Variants in ABI3BP observed in about 807,000 individuals in gnomAD.
ABI3BP encodes the protein target of Nesh-SH3.
A neutral mutation model predicts 268.6 loss-of-function variants in ABI3BP; 216 were observed. The observed-to-expected ratio is 0.80, with a 90% CI of 0.72 to 0.90. The LOEUF is 0.90. Among genes scored for constraint, ABI3BP ranks in the 40% least tolerant of loss-of-function variants. ABI3BP has a pLI of 0.00. For missense variants in ABI3BP, 2,090 were observed against 2,182.4 expected, an observed-to-expected ratio of 0.96 and a Z score of 0.84; for synonymous variants, 730 against 730.0, an observed-to-expected ratio of 1.00 and a Z score of 0.00.
intron 63 of ABI3BP, among the ~76,000 whole-genome samples, chr3:100,756,752 C>A (rs990643143): frequency 6.7e-6 from 1 of 149,538 alleles, no homozygotes; most frequent in Non-Finnish European, 1.5e-5. Context: ...TTTCAGCATG[C>A]CACATATACA....
intron 1 of ABI3BP, among the ~76,000 whole-genome samples, chr3:100,972,534 C>T (rs1461350263): frequency 6.6e-6 from 1 of 152,162 alleles, no homozygotes; most frequent in Non-Finnish European, 1.5e-5. Flanking sequence ...TAAGTTAATG[C>T]ACATTTTTAA....
chr3:100,972,062 A>T (rs2083860889), intron 1 of ABI3BP, among the ~76,000 whole-genome samples: 2 of 152,142 alleles, frequency 1.3e-5, no homozygotes, highest in African/African-American at 2.4e-5. Context: ...TCTCACGAAC[A>T]CATATCTGCC....
chr3:100,894,926 G>A (rs867075133), intron 4 of ABI3BP, among the ~76,000 whole-genome samples: 1 of 60,292 alleles, frequency 1.7e-5, no homozygotes, highest in East Asian at 5.2e-4. Context: ...GCGACAGAGC[G>A]GGATTCCGCT....
chr3:100,860,479 A>G (rs949219803), intron 14 of ABI3BP, among the ~76,000 whole-genome samples: 1 of 152,198 alleles, frequency 6.6e-6, no homozygotes, highest in South Asian at 2.1e-4. Flanking sequence ...ATACTCCTTC[A>G]GGGCAAAACC....
intron 1 of ABI3BP, among the ~76,000 whole-genome samples, chr3:100,968,066 G>A (rs1041258050): frequency 1.3e-5 from 2 of 152,132 alleles, no homozygotes; most frequent in African/African-American, 4.8e-5. Context: ...AGGCAAGACT[G>A]CCATGGACGA....
At chr3:100,973,350 C>T (rs143032992) in intron 1 of ABI3BP, among the ~76,000 whole-genome samples, 170 of 152,246 alleles carry the variant, frequency 1.1e-3, no homozygotes, top group African/African-American at 3.8e-3. Context: ...CATATTTCCC[C>T]ATAGAAACAA....
chr3:100,917,239 A>G (rs967818294), intron 2 of ABI3BP, among the ~76,000 whole-genome samples: 7 of 152,166 alleles, frequency 4.6e-5, no homozygotes, highest in African/African-American at 1.7e-4. Flanking sequence ...GAGACATGAC[A>G]CAGAAGAAAC....
At chr3:100,951,373 A>T (rs892924164) in intron 1 of ABI3BP, among the ~76,000 whole-genome samples, 2 of 151,902 alleles carry the variant, frequency 1.3e-5, no homozygotes, top group Non-Finnish European at 2.9e-5. Context: ...TCTGGCCCTC[A>T]TAACATGGCA....
At chr3:100,910,812 C>G (rs2056095604) in intron 2 of ABI3BP, among the ~76,000 whole-genome samples, 1 of 152,152 alleles carries the variant, frequency 6.6e-6, no homozygotes, top group Non-Finnish European at 1.5e-5. Context: ...TAAGACTTAT[C>G]TGTGGATTAC....
At chr3:100,922,322 A>G (rs1212342902) in intron 2 of ABI3BP, among the ~76,000 whole-genome samples, 1 of 152,200 alleles carries the variant, frequency 6.6e-6, no homozygotes, top group Non-Finnish European at 1.5e-5. Context: ...AAGCTTGCTT[A>G]CATCCTAATC....
At chr3:100,887,682 T>C (rs544188083) in intron 4 of ABI3BP, among the ~76,000 whole-genome samples, 16 of 152,166 alleles carry the variant, frequency 1.1e-4, no homozygotes, top group African/African-American at 3.1e-4. Flanking sequence ...TTTCCTCCAC[T>C]CCTTACATCA....
chr3:100,888,817 T>C (rs2043143117), intron 4 of ABI3BP, among the ~76,000 whole-genome samples: 1 of 152,028 alleles, frequency 6.6e-6, no homozygotes, highest in African/African-American at 2.4e-5. Flanking sequence ...TTTATAGCAC[T>C]ATCATTTTTT....
At chr3:100,768,290 G>A (rs988925975) in intron 62 of ABI3BP, among the ~76,000 whole-genome samples, 8 of 151,894 alleles carry the variant, frequency 5.3e-5, no homozygotes, top group African/African-American at 1.2e-4. Context: ...GGGTTTCACC[G>A]TGTTAGCCAG....
chr3:100,902,070 T>C (rs1365065056), intron 3 of ABI3BP, among the ~76,000 whole-genome samples: 1 of 152,252 alleles, frequency 6.6e-6, no homozygotes, highest in Non-Finnish European at 1.5e-5. Flanking sequence ...CCTTCCTTTA[T>C]TGAATTGAAG....
intron 30 of ABI3BP, 61 bp downstream of exon 30, chr3:100,833,064 A>C: frequency 7.0e-7 from 1 of 1,427,874 alleles, no homozygotes; most frequent in Non-Finnish European, 9.5e-7. Context: ...ATATAGCACC[A>C]TAGCAAAATC....
intron 8 of ABI3BP, 25 bp downstream of exon 8, chr3:100,875,483 G>A (rs771631538): frequency 2.4e-4 from 64 of 262,196 alleles, no homozygotes; most frequent in Middle Eastern, 6.0e-4. Flanking sequence ...GCTTAATCTC[G>A]GCATAGATTT....
chr3:100,836,776 T>C (rs1255108701), intron 27 of ABI3BP, among the ~76,000 whole-genome samples: 1 of 152,164 alleles, frequency 6.6e-6, no homozygotes, highest in Non-Finnish European at 1.5e-5. Flanking sequence ...CAACCAGCTT[T>C]TTCATTGCTC....
At chr3:100,751,381 G>A (rs2095317017) in intron 67 of ABI3BP, among the ~76,000 whole-genome samples, 171 bp downstream of exon 67, 1 of 151,928 alleles carries the variant, frequency 6.6e-6, no homozygotes, top group South Asian at 2.1e-4. Context: ...AATTTCCCTT[G>A]GCTCCAGGTT....
intron 17 of ABI3BP, among the ~76,000 whole-genome samples, chr3:100,849,321 G>A (rs1446968121): frequency 2.0e-5 from 3 of 148,768 alleles, no homozygotes; most frequent in Non-Finnish European, 3.0e-5. Flanking sequence ...GGTTTCCCGA[G>A]TTCAAGCAAT....
Sources: allele counts gnomAD v4.1 joint callset (sites outside exome capture counted in the v4.1 genomes callset), GRCh38; gene constraint gnomAD v4.1.1; transcripts MANE v1.5; gene names NCBI Gene and HGNC (gene_info 2026-07-23, HGNC 2026-07-21).